The following B3GAT2 variants were observed in gnomAD, a reference collection of about 807,000 sequenced individuals.
The protein encoded by B3GAT2 is galactosylgalactosylxylosylprotein 3-beta-glucuronosyltransferase 2.
Under a neutral mutation model 27.8 loss-of-function variants are expected in B3GAT2, and 26 were observed. The ratio of observed to expected loss-of-function variants is 0.93; its 90% CI spans 0.68 to 1.30. The LOEUF (loss-of-function observed/expected upper bound fraction) is 1.30, where lower values mean the gene tolerates loss of function less well. Among genes scored for constraint, B3GAT2 ranks in the 50% most tolerant of loss-of-function variants. The probability of loss-of-function intolerance (pLI) is 0.00; values close to 1 mark genes in which losing one functional copy is unlikely to be tolerated. For synonymous variants in B3GAT2, 218 were observed against 195.1 expected, an observed-to-expected ratio of 1.12 and a Z score of -0.98; for missense variants, 458 against 459.0, an observed-to-expected ratio of 1.00 and a Z score of 0.02.
At position 70,861,612 on chromosome 6, in the gene B3GAT2, C is replaced by A; in HGVS notation, c.*51G>T. 6.5e-7 allele frequency: 1 copy of A among 1,539,524 alleles called. No individual in the cohort carries two copies. Among genetic ancestry groups the A allele is most frequent in the Non-Finnish European group, 9.0e-7 (1 of 1,117,008 alleles). ...CTGTAGCCTAAACTCCAAACATCCTCTTCCATATGGATCCACTGGCTGGAC... is the reference window on the plus strand; with the variant it reads ...CTGTAGCCTAAACTCCAAACATCCTATTCCATATGGATCCACTGGCTGGAC... On this transcript the variant is annotated 3_prime_UTR_variant, in exon 4 of 4. Coordinates refer to ENST00000230053, the MANE Select transcript of B3GAT2 (RefSeq NM_080742.3).
chr6:70,924,582 G>C, intron 1 of B3GAT2, among the ~76,000 whole-genome samples: 1 of 152,130 alleles, frequency 6.6e-6, no homozygotes, highest in East Asian at 1.9e-4. Context: ...CTAGAATAGA[G>C]AGCCCAGAAA....
chr6:70,933,268 T>A (rs1190615788), intron 1 of B3GAT2, among the ~76,000 whole-genome samples: 2 of 151,762 alleles, frequency 1.3e-5, no homozygotes, highest in Non-Finnish European at 2.9e-5. Flanking sequence ...GTTTTTTAAA[T>A]CCTAAAACAA....
At chr6:70,874,687 C>T (rs553812815) in intron 2 of B3GAT2, among the ~76,000 whole-genome samples, 11 of 152,312 alleles carry the variant, frequency 7.2e-5, no homozygotes, top group African/African-American at 2.6e-4. Context: ...ACAATCACCA[C>T]AAGCTGTTTT....
chr6:70,872,459 G>T (rs140290479), intron 2 of B3GAT2, among the ~76,000 whole-genome samples: 1 of 144,962 alleles, frequency 6.9e-6, no homozygotes, highest in African/African-American at 2.5e-5. Flanking sequence ...GTAACAGTTC[G>T]TCTTAAAGTC....
At chr6:70,884,142 C>T (rs577956423) in intron 2 of B3GAT2, among the ~76,000 whole-genome samples, 4 of 151,016 alleles carry the variant, frequency 2.6e-5, no homozygotes, top group Admixed American at 6.6e-5. Context: ...ACACAAATAC[C>T]AGGCCTCACC....
At chr6:70,870,801 G>A (rs1398624313) in intron 2 of B3GAT2, among the ~76,000 whole-genome samples, 1 of 152,102 alleles carries the variant, frequency 6.6e-6, no homozygotes, top group African/African-American at 2.4e-5. Context: ...GGGTAGAGGG[G>A]TCATCTTGTC....
intron 2 of B3GAT2, among the ~76,000 whole-genome samples, chr6:70,890,384 A>C (rs1772268043): frequency 6.6e-6 from 1 of 152,142 alleles, no homozygotes; most frequent in Non-Finnish European, 1.5e-5. Context: ...AGGACTCCAG[A>C]CCAGAAAACT....
intron 1 of B3GAT2, among the ~76,000 whole-genome samples, chr6:70,944,842 C>T (rs1408670319): frequency 6.6e-6 from 1 of 152,138 alleles, no homozygotes; most frequent in Non-Finnish European, 1.5e-5. Context: ...CAGACTGACA[C>T]CTCACACGGC....
At chr6:70,904,020 T>C (rs1433022117) in intron 1 of B3GAT2, among the ~76,000 whole-genome samples, 1 of 152,102 alleles carries the variant, frequency 6.6e-6, no homozygotes, top group Non-Finnish European at 1.5e-5. Flanking sequence ...AACAAATAGA[T>C]AAGCAAAACA....
intron 2 of B3GAT2, among the ~76,000 whole-genome samples, chr6:70,892,358 T>G (rs147178650): frequency 1.3e-5 from 2 of 152,224 alleles, no homozygotes; most frequent in East Asian, 1.9e-4. Flanking sequence ...ACAAGTCTAT[T>G]TGATACCTGA....
chr6:70,940,163 C>T (rs1045007857), intron 1 of B3GAT2, among the ~76,000 whole-genome samples: 21 of 151,830 alleles, frequency 1.4e-4, no homozygotes, highest in Admixed American at 1.3e-3. Flanking sequence ...GACACCCCCT[C>T]GCCCCACACA....
chr6:70,935,478 A>G (rs894395463), intron 1 of B3GAT2, among the ~76,000 whole-genome samples: 1 of 151,978 alleles, frequency 6.6e-6, no homozygotes, highest in African/African-American at 2.4e-5. Flanking sequence ...ATATGTGTAT[A>G]TATATATCTC....
At position 70,859,147 on chromosome 6, in the gene B3GAT2, C is replaced by A; in HGVS notation, c.*2516G>T. 1.9e-6 allele frequency: 1 copy of A among 515,748 alleles called. No individual in the cohort carries two copies. Among genetic ancestry groups the A allele is most frequent in the Non-Finnish European group, 3.4e-6 (1 of 290,578 alleles). 31.9% of individuals were successfully genotyped at this position (515,748 alleles called of 1,614,324 possible). A position where few individuals can be genotyped will look rare whatever the true frequency, so the allele number is the denominator to read the frequency against. ...ACATTAGCACAATCACTATATATCACAGTTAATTTTGCTACCACCATTTAC... is the reference window on the plus strand; with the variant it reads ...ACATTAGCACAATCACTATATATCAAAGTTAATTTTGCTACCACCATTTAC... On this transcript the variant is annotated 3_prime_UTR_variant, in exon 4 of 4. Transcript: ENST00000230053.
chr6:70,870,767 T>C (rs1052342955), intron 2 of B3GAT2, among the ~76,000 whole-genome samples: 17 of 152,172 alleles, frequency 1.1e-4, no homozygotes, highest in Middle Eastern at 3.2e-3. Context: ...TTTTATAAGC[T>C]ATAGTGCAAT....
intron 1 of B3GAT2, among the ~76,000 whole-genome samples, chr6:70,955,074 G>A (rs1320336337): frequency 1.3e-5 from 2 of 151,968 alleles, no homozygotes; most frequent in Non-Finnish European, 2.9e-5. Flanking sequence ...CTTAGAGAAA[G>A]GTTGTGAAAA....
intron 1 of B3GAT2, among the ~76,000 whole-genome samples, chr6:70,954,474 T>A (rs998674035): frequency 5.3e-5 from 8 of 152,194 alleles, no homozygotes; most frequent in African/African-American, 1.7e-4. Flanking sequence ...TTTAAGAAAA[T>A]TTTTTTAAAG....
chr6:70,927,123 T>C (rs555398577), intron 1 of B3GAT2, among the ~76,000 whole-genome samples: 13 of 152,276 alleles, frequency 8.5e-5, no homozygotes, highest in African/African-American at 3.1e-4. Context: ...GACAAGCAAA[T>C]GCTGAGAGAT....
chr6:70,930,372 C>G (rs1773040385), intron 1 of B3GAT2, among the ~76,000 whole-genome samples: 1 of 152,164 alleles, frequency 6.6e-6, no homozygotes, highest in Non-Finnish European at 1.5e-5. Flanking sequence ...AGCTTCTGCA[C>G]AGCAAAAGAA....
chr6:70,879,579 C>A (rs1772067240), intron 2 of B3GAT2, among the ~76,000 whole-genome samples: 1 of 152,174 alleles, frequency 6.6e-6, no homozygotes, highest in Admixed American at 6.5e-5. Flanking sequence ...CAGTCATGAT[C>A]TGCATCTTAG....
Sources: gnomAD v4.1 joint callset for allele counts (sites outside exome capture counted in the v4.1 genomes callset) on GRCh38, gnomAD v4.1.1 for gene constraint, MANE v1.5 for transcripts, NCBI Gene and HGNC (gene_info 2026-07-23, HGNC 2026-07-21) for gene names.